Variants in FSTL4 observed in about 807,000 individuals in gnomAD.
FSTL4 encodes follistatin-related protein 4.
FSTL4 carries 28 observed loss-of-function variants against 78.2 expected under a neutral mutation model. The ratio of observed to expected loss-of-function variants is 0.36; its 90% confidence interval spans 0.27 to 0.49. The LOEUF is 0.49. Among genes scored for constraint, FSTL4 ranks in the 20% least tolerant of loss-of-function variants. The pLI is 0.98. For missense variants in FSTL4, 922 were observed against 1,084.9 expected (o/e 0.85, Z 2.11); for synonymous variants, 422 against 440.5 (o/e 0.96, Z 0.53).
At chr5:133,220,981 C>G in intron 11 of FSTL4, 115 bp from the exon 12 acceptor site, 4 of 773,316 alleles carry the variant, frequency 5.2e-6, no homozygotes, top group Non-Finnish European at 9.5e-6. Flanking sequence ...GGTGCAGGCA[C>G]GAGATGCAAT....
intron 10 of FSTL4, 44 bp from the exon 11 acceptor site, chr5:133,224,260 A>T: frequency 1.3e-6 from 2 of 1,515,350 alleles, no homozygotes; most frequent in Non-Finnish European, 1.8e-6. Context: ...TGATGGAGTC[A>T]AGGAAAAAGA....
chr5:133,656,026 T>C, the FSTL4 span, among the ~76,000 whole-genome samples: 1 of 152,208 alleles, frequency 6.6e-6, no homozygotes, highest in African/African-American at 2.4e-5. Context: ...GCTGTGCTGA[T>C]TCTCTTAAGA....
At chr5:133,516,628 T>G (rs1182769176) in intron 3 of FSTL4, among the ~76,000 whole-genome samples, 2 of 152,178 alleles carry the variant, frequency 1.3e-5, no homozygotes, top group East Asian at 1.9e-4. Context: ...GGATTTCTTT[T>G]GGGAACATAA....
At chr5:133,695,576 G>A in the FSTL4 span, among the ~76,000 whole-genome samples, 11 of 152,322 alleles carry the variant, frequency 7.2e-5, no homozygotes, top group East Asian at 1.9e-3. Context: ...CTGACCTAAC[G>A]GGGACAGCAG....
chr5:133,467,201 TGA>T (rs1421084306), intron 3 of FSTL4, among the ~76,000 whole-genome samples: 4 of 150,976 alleles, frequency 2.6e-5, no homozygotes, highest in Admixed American at 1.3e-4. Context: ...TGTGAGTATA[TGA>T]GTGTGTGAGT....
chr5:133,205,177 T>G (rs1262258380), intron 14 of FSTL4, among the ~76,000 whole-genome samples: 2 of 152,212 alleles, frequency 1.3e-5, no homozygotes, highest in African/African-American at 4.8e-5. Context: ...ATTCCTATGT[T>G]TAGGCTTTTT....
chr5:133,515,640 T>A (rs1375284015), intron 3 of FSTL4, among the ~76,000 whole-genome samples: 1 of 150,932 alleles, frequency 6.6e-6, no homozygotes, highest in African/African-American at 2.4e-5. Context: ...TGTGATAACA[T>A]AAATAATTCT....
intron 2 of FSTL4, among the ~76,000 whole-genome samples, chr5:133,574,393 G>A (rs1760229544): frequency 6.6e-6 from 1 of 152,210 alleles, no homozygotes; most frequent in Admixed American, 6.5e-5. Flanking sequence ...ATTGGTCTGA[G>A]TCCCAGTATG....
intron 7 of FSTL4, among the ~76,000 whole-genome samples, chr5:133,245,733 G>T (rs539667541): frequency 5.3e-5 from 8 of 152,304 alleles, no homozygotes; most frequent in Non-Finnish European, 1.0e-4. Flanking sequence ...GGCCACACAC[G>T]ATTGGGTGAC....
intron 1 of FSTL4, among the ~76,000 whole-genome samples, chr5:133,610,724 G>A (rs1761072068): frequency 6.6e-6 from 1 of 152,220 alleles, no homozygotes; most frequent in East Asian, 1.9e-4. Flanking sequence ...AGAGGGGCAG[G>A]CACAGAAACT....
intron 3 of FSTL4, among the ~76,000 whole-genome samples, chr5:133,525,293 T>G (rs1759070223): frequency 6.6e-6 from 1 of 152,244 alleles, no homozygotes; most frequent in Admixed American, 6.5e-5. Flanking sequence ...TGTTTCCCCC[T>G]GCACTGCCCA....
chr5:133,233,386 G>A, intron 8 of FSTL4, 31 bp downstream of exon 8: 2 of 1,613,148 alleles, frequency 1.2e-6, no homozygotes, highest in Non-Finnish European at 1.7e-6. Context: ...GAGGCTATGA[G>A]GGGACAACAT....
At chr5:133,822,773 TCTAACGC>T in the FSTL4 span, among the ~76,000 whole-genome samples, 1 of 152,246 alleles carries the variant, frequency 6.6e-6, no homozygotes, top group African/African-American at 2.4e-5. Context: ...ACCCACGAAC[TCTAACGC>T]CATGCAAAAG....
intron 3 of FSTL4, among the ~76,000 whole-genome samples, chr5:133,539,312 C>A (rs956298241): frequency 6.6e-6 from 1 of 152,098 alleles, no homozygotes; most frequent in Non-Finnish European, 1.5e-5. Flanking sequence ...TCTCTAATAT[C>A]CCCAAATCTA....
chr5:133,652,852 A>G, the FSTL4 span, among the ~76,000 whole-genome samples: 2 of 152,152 alleles, frequency 1.3e-5, no homozygotes, highest in East Asian at 3.9e-4. Flanking sequence ...TGACAAAGAG[A>G]TGATCAATTA....
intron 6 of FSTL4, among the ~76,000 whole-genome samples, chr5:133,289,725 G>A (rs1027130253): frequency 2.6e-5 from 4 of 152,198 alleles, no homozygotes; most frequent in African/African-American, 9.7e-5. Context: ...CTGACATTCT[G>A]CCTCCAGAGC....
the FSTL4 span, among the ~76,000 whole-genome samples, chr5:133,710,431 C>T: frequency 1.3e-5 from 2 of 152,160 alleles, no homozygotes; most frequent in Non-Finnish European, 2.9e-5. Flanking sequence ...CAGTAGTACC[C>T]CCTGTCACTC....
At chr5:133,720,888 C>T in the FSTL4 span, 4 of 152,274 alleles carry the variant, frequency 2.6e-5, no homozygotes, top group Admixed American at 2.6e-4. Context: ...GGGTGTGCCC[C>T]CAAAAATGCT....
At chr5:133,446,811 C>T (rs555946272) in intron 3 of FSTL4, among the ~76,000 whole-genome samples, 9 of 152,306 alleles carry the variant, frequency 5.9e-5, no homozygotes, top group East Asian at 1.9e-4. Flanking sequence ...GGCCTCTCCC[C>T]GGTCCTCCCC....
Sources: gnomAD v4.1 joint callset for allele counts (sites outside exome capture counted in the v4.1 genomes callset) on GRCh38, gnomAD v4.1.1 for gene constraint, MANE v1.5 for transcripts, NCBI Gene and HGNC (gene_info 2026-07-23, HGNC 2026-07-21) for gene names.